Variants in PCNX2 observed in about 807,000 individuals in gnomAD.
PCNX2 encodes pecanex-like protein 2.
A neutral mutation model predicts 223.8 loss-of-function variants in PCNX2; 168 were observed. The ratio of observed to expected loss-of-function variants is 0.75; its 90% CI spans 0.66 to 0.85. The LOEUF is 0.85. PCNX2 is among the 40% of genes least tolerant of loss of function. The pLI, the probability that PCNX2 is intolerant of heterozygous loss-of-function variation, is 0.00. For missense variants in PCNX2, 2,507 were observed against 2,675.5 expected, an observed-to-expected ratio of 0.94 and a Z score of 1.39; for synonymous variants, 1,006 against 1,052.6, an observed-to-expected ratio of 0.96 and a Z score of 0.86.
chr1:233,136,298 T>C (rs991665828), intron 20 of PCNX2, among the ~76,000 whole-genome samples: 5 of 152,226 alleles, frequency 3.3e-5, no homozygotes, highest in Admixed American at 6.5e-5. Flanking sequence ...CATGCCTCAA[T>C]TGCCCTAAAC....
intron 17 of PCNX2, among the ~76,000 whole-genome samples, chr1:233,170,667 A>G (rs938034319): frequency 6.6e-6 from 1 of 152,168 alleles, no homozygotes; most frequent in African/African-American, 2.4e-5. Flanking sequence ...CATTATTATG[A>G]CTCTAAGTGC....
intron 25 of PCNX2, among the ~76,000 whole-genome samples, chr1:233,045,314 T>C (rs968627585): frequency 1.3e-5 from 2 of 152,324 alleles, no homozygotes; most frequent in African/African-American, 4.8e-5. Context: ...TCTTCCACTT[T>C]CTGCCAGCTT....
At chr1:233,284,886 T>C (rs563300470) in intron 1 of PCNX2, 13 of 890,418 alleles carry the variant, frequency 1.5e-5, no homozygotes, top group East Asian at 2.4e-4. Flanking sequence ...CCCTCAACCA[T>C]AGTGACTGGT....
intron 1 of PCNX2, among the ~76,000 whole-genome samples, chr1:233,290,080 C>T (rs1360789933): frequency 1.4e-5 from 2 of 144,632 alleles, no homozygotes; most frequent in East Asian, 4.2e-4. Context: ...AATGCAAAAC[C>T]TTAAATTCTA....
At chr1:233,160,706 A>G (rs1477830201) in intron 18 of PCNX2, among the ~76,000 whole-genome samples, 2 of 152,218 alleles carry the variant, frequency 1.3e-5, no homozygotes, top group African/African-American at 4.8e-5. Flanking sequence ...AAATTTTCCA[A>G]TGAGGAGGTG....
chr1:233,144,886 A>T (rs1211659984), intron 19 of PCNX2, among the ~76,000 whole-genome samples: 1 of 151,378 alleles, frequency 6.6e-6, no homozygotes, highest in Non-Finnish European at 1.5e-5. Context: ...CATAATTTTA[A>T]TATATTACAA....
chr1:233,081,268 C>T (rs1673346836), intron 23 of PCNX2, among the ~76,000 whole-genome samples: 1 of 152,148 alleles, frequency 6.6e-6, no homozygotes, highest in Admixed American at 6.5e-5. Context: ...ATTGCTCAAA[C>T]CTGGGAGGCG....
chr1:233,000,542 G>C lies in PCNX2; in HGVS notation c.5098-7C>G. The C allele has an allele frequency of 1.3e-6, 2 of 1,574,446 alleles. No homozygotes were observed. The highest frequency in any genetic ancestry group is 2.3e-5 in the South Asian group (2 of 87,822). On this transcript the variant is annotated splice_polypyrimidine_tract_variant and splice_region_variant and intron_variant, in intron 29 of 33. Transcript: ENST00000258229. This position sits in a 1 kb window ranked among gnomAD's most constrained non-coding sequence, Gnocchi z 4.6. ...CAGGGCAAGTGAACTGGTCCTGGTG[G>C]GAAGAAGTGTGGGTGTGGGCTGGGC...
At chr1:232,985,842 G>T (rs554318839) in intron 33 of PCNX2, 2 of 606,452 alleles carry the variant, frequency 3.3e-6, no homozygotes, top group African/African-American at 3.7e-5. Context: ...CTCTGTATCC[G>T]GTGACTCCTT....
At chr1:233,232,987 G>A in intron 9 of PCNX2, 1 of 985,384 alleles carries the variant, frequency 1.0e-6, no homozygotes. Context: ...ATGAGTTGGA[G>A]ACCATATCCA....
intron 15 of PCNX2, among the ~76,000 whole-genome samples, chr1:233,184,105 T>G (rs1424673759): frequency 6.6e-6 from 1 of 152,254 alleles, no homozygotes; most frequent in Non-Finnish European, 1.5e-5. Context: ...TGCTGTGTAT[T>G]TAATTCATGA....
intron 23 of PCNX2, chr1:233,089,710 G>C (rs1029010894): frequency 8.0e-6 from 2 of 248,938 alleles, no homozygotes; most frequent in African/African-American, 4.6e-5. Context: ...CAGGAAAAAA[G>C]TATGCCATCC....
intron 28 of PCNX2, among the ~76,000 whole-genome samples, chr1:233,008,468 T>C (rs1261025655): frequency 2.0e-5 from 3 of 152,228 alleles, no homozygotes; most frequent in Admixed American, 2.0e-4. Context: ...CTTTCTGTGT[T>C]CACTCATAAG....
intron 19 of PCNX2, among the ~76,000 whole-genome samples, chr1:233,140,130 T>C (rs1558272979): frequency 6.9e-6 from 1 of 144,350 alleles, no homozygotes; most frequent in Non-Finnish European, 1.5e-5. Context: ...CTGAGACCAA[T>C]GAATGGGCTG....
chr1:233,130,465 T>TGTGTG lies in PCNX2; in HGVS notation c.3837+4547_3837+4548insCACAC, dbSNP rs1553296590. Among the ~76,000 whole-genome samples the TGTGTG allele has an allele frequency of 2.0e-3, 277 of 136,472 alleles. 9 individuals carry two copies. The East Asian group carries it at 0.042, about 21-fold the overall frequency. 89.5% of individuals were successfully genotyped at this position (136,472 alleles called of 152,430 possible). ...ACTCAATATTTCTGCCCCCCAACTTTTGTGTGTGTGTGTGTGTGTGTGTGT... is the reference window on the plus strand; with the variant it reads ...ACTCAATATTTCTGCCCCCCAACTTTGTGTGTGTGTGTGTGTGTGTGTGTGTGTGT... On this transcript the variant is annotated intron_variant, in intron 21 of 33. Transcript: ENST00000258229.
intron 23 of PCNX2, among the ~76,000 whole-genome samples, chr1:233,059,672 C>A (rs1672331977): frequency 6.6e-6 from 1 of 152,096 alleles, no homozygotes; most frequent in Non-Finnish European, 1.5e-5. Flanking sequence ...TAAATATTTG[C>A]AGAATAAATT....
intron 23 of PCNX2, chr1:233,065,622 T>G (rs1016769450): frequency 3.3e-5 from 5 of 151,946 alleles, no homozygotes; most frequent in African/African-American, 1.2e-4. Context: ...TGTGGTGAGT[T>G]TCTCTGTTTT....
chr1:233,200,821 A>G (rs1681042740), intron 13 of PCNX2, among the ~76,000 whole-genome samples: 1 of 151,926 alleles, frequency 6.6e-6, no homozygotes, highest in Non-Finnish European at 1.5e-5. Flanking sequence ...CAGGAGTTTG[A>G]GACCAGCCTG....
At chr1:233,003,437 C>T (rs1229252423) in intron 28 of PCNX2, among the ~76,000 whole-genome samples, 1 of 152,210 alleles carries the variant, frequency 6.6e-6, no homozygotes, top group Non-Finnish European at 1.5e-5. Flanking sequence ...AAATGCAAAT[C>T]AAAACCACAA....
Sources: allele counts gnomAD v4.1 joint callset (sites outside exome capture counted in the v4.1 genomes callset), GRCh38; gene constraint gnomAD v4.1.1; non-coding constraint Gnocchi (gnomAD v3.1); transcripts MANE v1.5; gene names NCBI Gene and HGNC (gene_info 2026-07-23, HGNC 2026-07-21).